The following BMPER variants were observed in gnomAD, a reference collection of about 807,000 sequenced individuals.
BMPER encodes BMP-binding endothelial regulator protein.
In BMPER, 45 loss-of-function variants were observed where a neutral mutation model predicts 87.3. The observed-to-expected ratio is 0.52, with a 90% CI of 0.41 to 0.66. The LOEUF is 0.66. Ranked by LOEUF, BMPER falls within the 30% of genes least tolerant of loss-of-function variation. BMPER has a pLI of 0.00. For synonymous variants in BMPER, 326 were observed against 316.2 expected (o/e 1.03, Z -0.33); for missense variants, 784 against 867.5 (o/e 0.90, Z 1.21).
chr7:34,129,610 A>AGAAAG (rs1790507400), intron 13 of BMPER, among the ~76,000 whole-genome samples: 6 of 69,666 alleles, frequency 8.6e-5, no homozygotes, highest in African/African-American at 2.9e-4. Context: ...GAGAGAGAGA[A>AGAAAG]AGAGAGAGAG....
chr7:33,906,810 A>G lies in BMPER; in HGVS notation c.134-8A>G. 1 of 1,611,170 alleles carries G rather than the reference A, an allele frequency of 6.2e-7. No individual in the cohort carries two copies. Among genetic ancestry groups the G allele is most frequent in the Non-Finnish European group, 8.5e-7 (1 of 1,177,438 alleles). On this transcript the variant is annotated splice_region_variant and splice_polypyrimidine_tract_variant and intron_variant, in intron 1 of 14. Transcript: ENST00000649409. The stretch of plus-strand genomic sequence containing the variant: ...TTAAATGAAACATTTTTCCCCCCTG[A>G]ATTTCAGGTTCTGTTGCAAAATGTG...
chr7:33,966,663 A>G, intron 4 of BMPER, 102 bp downstream of exon 4: 2 of 1,139,586 alleles, frequency 1.8e-6, no homozygotes, highest in Non-Finnish European at 2.6e-6. Flanking sequence ...AAGGCCAAAC[A>G]GAAATGAAAA....
chr7:33,924,485 G>T (rs758988479), intron 2 of BMPER, among the ~76,000 whole-genome samples: 3 of 152,042 alleles, frequency 2.0e-5, no homozygotes, highest in Non-Finnish European at 2.9e-5. Context: ...CTCTCACCGT[G>T]CTCCAGCTGC....
At chr7:34,148,569 GT>G (rs1206006704) in intron 14 of BMPER, among the ~76,000 whole-genome samples, 1 of 152,088 alleles carries the variant, frequency 6.6e-6, no homozygotes, top group Non-Finnish European at 1.5e-5. Context: ...ATTGGAGATG[GT>G]ATTTATAGGA....
chr7:33,995,530 C>T (rs555804513), intron 6 of BMPER, among the ~76,000 whole-genome samples: 1 of 152,160 alleles, frequency 6.6e-6, no homozygotes, highest in East Asian at 1.9e-4. Context: ...TCTTATATTC[C>T]TAAGCTCAGA....
chr7:34,061,976 T>G (rs774562035), intron 10 of BMPER, 26 bp from the exon 11 acceptor site: 1 of 1,552,164 alleles, frequency 6.4e-7, no homozygotes, highest in Non-Finnish European at 8.8e-7. Flanking sequence ...AAACAGTAAC[T>G]TTGTATTTGT....
intron 6 of BMPER, among the ~76,000 whole-genome samples, chr7:34,000,501 T>C (rs1231774827): frequency 6.6e-6 from 1 of 152,116 alleles, no homozygotes. Context: ...TTTTTAACCC[T>C]AAGAGATACA....
chr7:34,109,628 A>G (rs1337335240), intron 13 of BMPER, among the ~76,000 whole-genome samples: 3 of 152,210 alleles, frequency 2.0e-5, no homozygotes, highest in Non-Finnish European at 2.9e-5. Flanking sequence ...TAGCTCAGTG[A>G]ACAGTTACTG....
At chr7:34,084,161 C>T (rs1789135492) in intron 12 of BMPER, among the ~76,000 whole-genome samples, 1 of 152,094 alleles carries the variant, frequency 6.6e-6, no homozygotes, top group South Asian at 2.1e-4. Flanking sequence ...ATTAGCTGAA[C>T]ATGGTGGCAT....
intron 3 of BMPER, among the ~76,000 whole-genome samples, chr7:33,945,101 C>T (rs1355618503): frequency 6.6e-6 from 1 of 151,750 alleles, no homozygotes; most frequent in African/African-American, 2.4e-5. Flanking sequence ...GCCAACACGC[C>T]CGGCTAATTT....
chr7:33,924,914 G>A (rs1230066459), intron 2 of BMPER, among the ~76,000 whole-genome samples: 3 of 152,068 alleles, frequency 2.0e-5, no homozygotes, highest in Admixed American at 1.3e-4. Flanking sequence ...CACCTGCCTC[G>A]GTCTCCCAAA....
intron 8 of BMPER, among the ~76,000 whole-genome samples, chr7:34,052,366 C>A (rs972189188): frequency 2.0e-5 from 3 of 152,192 alleles, no homozygotes; most frequent in Non-Finnish European, 4.4e-5. Context: ...TACAGTTCAT[C>A]ACAAAGATAA....
chr7:33,937,457 C>T, intron 3 of BMPER, 69 bp downstream of exon 3: 2 of 1,509,376 alleles, frequency 1.3e-6, no homozygotes, highest in East Asian at 4.5e-5. Context: ...CTTTCTCTCA[C>T]CTTCCTTTTC....
At chr7:34,144,275 G>A (rs577955903) in intron 14 of BMPER, among the ~76,000 whole-genome samples, 4 of 151,948 alleles carry the variant, frequency 2.6e-5, no homozygotes, top group African/African-American at 9.7e-5. Context: ...TGAGCCTGAG[G>A]TGGGCTAGGG....
rs114478967 is a variant in BMPER at position 34,047,279 on chromosome 7, T to A, written c.676+874T>A. Among the ~76,000 whole-genome samples, 1,282 of 151,970 alleles carry A rather than the reference T, an allele frequency of 8.4e-3. 23 individuals are homozygous for A. The highest frequency in any genetic ancestry group is 0.029 in the African/African-American group (1,223 of 41,496). ...TTCTTCTTCTTCTTCTTTTTTGTTT[T>A]TTTATTTTTTTATTTTTTTGAGACG... is the stretch of plus-strand genomic sequence containing the variant. On this transcript the variant is annotated intron_variant, in intron 7 of 14. Transcript: ENST00000649409.
At chr7:33,962,338 A>T (rs1005413454) in intron 3 of BMPER, among the ~76,000 whole-genome samples, 5 of 152,210 alleles carry the variant, frequency 3.3e-5, no homozygotes, top group African/African-American at 1.2e-4. Flanking sequence ...AAGCCAAAAT[A>T]TATACAAAAG....
In BMPER at chr7:33,999,705, T is replaced by A. The variant is rs113549068; in HGVS notation, c.576+24921T>A. On this transcript the variant is annotated intron_variant, in intron 6 of 14. Coordinates refer to ENST00000649409, the MANE Select transcript of BMPER (RefSeq NM_001365308.1). Reference sequence around the variant, plus strand: ...GTTTCTGACCTTCCCACAATCCTAGTTGAATGAGTCCAAATGAGTTTGAAA... The same window carrying A: ...GTTTCTGACCTTCCCACAATCCTAGATGAATGAGTCCAAATGAGTTTGAAA... 7.5e-3 allele frequency among the ~76,000 whole-genome samples: 1,147 copies of A among 152,340 alleles called. 14 individuals are homozygous for A. Among genetic ancestry groups the A allele is most frequent in the Non-Finnish European group, 0.01 (681 of 68,038 alleles).
At chr7:33,909,514 G>A (rs1783902023) in intron 2 of BMPER, among the ~76,000 whole-genome samples, 2 of 152,058 alleles carry the variant, frequency 1.3e-5, no homozygotes, top group African/African-American at 2.4e-5. Flanking sequence ...TGCAGGGAGC[G>A]TTAGTGGTTA....
In BMPER at chr7:34,155,349, G is replaced by C. The variant is rs951394073; in HGVS notation, c.*2076G>C. On this transcript the variant is annotated 3_prime_UTR_variant, in exon 15 of 15. Transcript: ENST00000649409. ...AAATGATGGAGAAGGGAGAATTGTG[G>C]ATGGTTATTTATAGCTCATGATTCA... The C allele has an allele frequency of 3.9e-5, 6 of 152,162 alleles. No homozygotes were observed. Among genetic ancestry groups the C allele is most frequent in the Non-Finnish European group, 7.3e-5 (5 of 68,044 alleles). The allele number at this position is 152,162 out of a possible 1,614,324, so 9.4% of individuals were successfully genotyped here.
Sources: allele counts gnomAD v4.1 joint callset (sites outside exome capture counted in the v4.1 genomes callset), GRCh38; gene constraint gnomAD v4.1.1; transcripts MANE v1.5; gene names NCBI Gene and HGNC (gene_info 2026-07-23, HGNC 2026-07-21).